Variants in DNAH8 observed in about 807,000 individuals in gnomAD.
The protein encoded by DNAH8 is dynein axonemal heavy chain 8, also known as axonemal beta dynein heavy chain 8.
A neutral mutation model predicts 562.1 loss-of-function variants in DNAH8; 382 were observed. That is an observed-to-expected ratio of 0.68 (90% confidence interval 0.63 to 0.74). The LOEUF (loss-of-function observed/expected upper bound fraction) is 0.74, where lower values mean the gene tolerates loss of function less well. DNAH8 is among the 30% of genes least tolerant of loss of function. The pLI is 0.00. For missense variants in DNAH8, 5,203 were observed against 5,620.4 expected, an observed-to-expected ratio of 0.93 and a Z score of 2.37; for synonymous variants, 1,881 against 1,919.4, an observed-to-expected ratio of 0.98 and a Z score of 0.52.
chr6:38,761,562 C>T (rs1156541770), intron 10 of DNAH8, 140 bp from the exon 11 acceptor site: 3 of 412,008 alleles, frequency 7.3e-6, no homozygotes, highest in South Asian at 1.6e-4. Context: ...TCCCAAAGTA[C>T]TGGGATTACA....
chr6:38,883,564 G>A (rs1397906895), intron 55 of DNAH8, 108 bp downstream of exon 55: 2 of 1,236,598 alleles, frequency 1.6e-6, no homozygotes, highest in Non-Finnish European at 2.2e-6. Flanking sequence ...ATATTCAAAA[G>A]AAATCATGCT....
chr6:38,826,195 G>T lies in DNAH8; in HGVS notation c.3887G>T (p.Trp1296Leu). The change falls in exon 29 of 93, where the codon TGG becomes TTG. Residue 1296 changes from tryptophan to leucine, a missense_variant. Physicochemically the swap from Trp to Leu is moderately conservative, Grantham distance 61. This residue lies in a region of DNAH8 where 2,176 missense variants were observed against 2,365.1 expected (regional missense o/e 0.92). Coordinates refer to ENST00000327475, the MANE Select transcript of DNAH8 (RefSeq NM_001206927.2). ...GCCTTATCCATCGAGGCCAAGGCAT[G>T]GAAGATGTTACTCTGTCGATATCTG... ...KLALSIEAKA[W>L]KMLLCRYLNE... 1 of 1,612,448 alleles carries T rather than the reference G, an allele frequency of 6.2e-7. No individual in the cohort carries two copies. Among genetic ancestry groups the T allele is most frequent in the Non-Finnish European group, 8.5e-7 (1 of 1,179,362 alleles).
intron 26 of DNAH8, among the ~76,000 whole-genome samples, chr6:38,816,062 GTTTTATTTTATTTTA>G (rs10585359): frequency 4.7e-5 from 7 of 149,720 alleles, no homozygotes; most frequent in Non-Finnish European, 8.9e-5. Context: ...ATTTTATTTT[GTTTTATTTTATTTTA>G]TTTTATTTTA....
intron 83 of DNAH8, 72 bp downstream of exon 83, chr6:38,971,737 T>C: frequency 8.3e-7 from 1 of 1,199,732 alleles, no homozygotes; most frequent in African/African-American, 1.5e-5. Flanking sequence ...GTTACCACAT[T>C]CTTCTCGTGA....
At chr6:38,995,073 C>G (rs201127119) in intron 88 of DNAH8, among the ~76,000 whole-genome samples, 1 of 74,540 alleles carries the variant, frequency 1.3e-5, no homozygotes, top group Non-Finnish European at 3.0e-5. Flanking sequence ...TTTTTTTTTT[C>G]TGAGCTTGTC....
chr6:38,949,026 G>A (rs1009458268), intron 80 of DNAH8, among the ~76,000 whole-genome samples: 2 of 152,128 alleles, frequency 1.3e-5, no homozygotes, highest in Non-Finnish European at 2.9e-5. Flanking sequence ...GCTGTGTCTG[G>A]AGACATTTTT....
At chr6:38,766,036 C>T (rs1766950062) in intron 11 of DNAH8, among the ~76,000 whole-genome samples, 1 of 152,044 alleles carries the variant, frequency 6.6e-6, no homozygotes, top group South Asian at 2.1e-4. Flanking sequence ...CAACATTATT[C>T]ACAATAGCCA....
chr6:38,778,345 C>T (rs754937406), intron 13 of DNAH8, 43 bp from the exon 14 acceptor site: 4 of 1,139,314 alleles, frequency 3.5e-6, no homozygotes, highest in Non-Finnish European at 3.9e-6. Context: ...AAACCAATCT[C>T]TTTAACACCA....
intron 82 of DNAH8, among the ~76,000 whole-genome samples, chr6:38,958,020 T>A (rs190322456): frequency 2.6e-5 from 4 of 152,144 alleles, no homozygotes; most frequent in Admixed American, 1.3e-4. Context: ...GTTTTGTTTT[T>A]TTTTATGAAG....
At chr6:38,857,911 C>T (rs1391435765) in intron 42 of DNAH8, among the ~76,000 whole-genome samples, 169 bp downstream of exon 42, 2 of 152,090 alleles carry the variant, frequency 1.3e-5, no homozygotes, top group Non-Finnish European at 2.9e-5. Flanking sequence ...GCTTAAACAA[C>T]CATATTATAT....
At chr6:38,787,461 C>T (rs960310247) in intron 18 of DNAH8, among the ~76,000 whole-genome samples, 1 of 152,052 alleles carries the variant, frequency 6.6e-6, no homozygotes, top group African/African-American at 2.4e-5. Flanking sequence ...TGCAGTGGCT[C>T]ATGCCTGTAA....
At chr6:38,996,891 T>C (rs1240657542) in intron 88 of DNAH8, among the ~76,000 whole-genome samples, 1 of 152,042 alleles carries the variant, frequency 6.6e-6, no homozygotes, top group African/African-American at 2.4e-5. Flanking sequence ...GTAAGCGAGC[T>C]TCTCCCAAAA....
intron 82 of DNAH8, among the ~76,000 whole-genome samples, chr6:38,959,450 G>C (rs1251062958): frequency 6.6e-6 from 1 of 152,032 alleles, no homozygotes; most frequent in Non-Finnish European, 1.5e-5. Flanking sequence ...CAATCTACAC[G>C]AATTAGGGTT....
chr6:38,734,010 A>G (rs1384303053), intron 4 of DNAH8, among the ~76,000 whole-genome samples: 1 of 151,378 alleles, frequency 6.6e-6, no homozygotes, highest in Non-Finnish European at 1.5e-5. Context: ...TTGGCCAGGC[A>G]TGGTGGCTCA....
chr6:38,990,316 C>T (rs1764695003), intron 88 of DNAH8, 144 bp downstream of exon 88: 4 of 631,782 alleles, frequency 6.3e-6, no homozygotes. Flanking sequence ...TCCTGTCTCC[C>T]AATTACAACT....
rs1782809766 is a variant in DNAH8 at position 38,934,630 on chromosome 6, G to C, written c.11458-962G>C. 5.3e-5 allele frequency among the ~76,000 whole-genome samples: 8 copies of C among 152,266 alleles called. No homozygotes were observed. In the South Asian group the frequency reaches 1.7e-3, roughly 32 times the overall value. ...GAAAAATGTTGTAAGGAATATTATT[G>C]AGATTATTGAGATTTCAATGTAGAC... On this transcript the variant is annotated intron_variant, in intron 76 of 92. Coordinates refer to ENST00000327475, the MANE Select transcript of DNAH8 (RefSeq NM_001206927.2).
At chr6:38,730,921 C>T (rs897857438) in intron 4 of DNAH8, among the ~76,000 whole-genome samples, 2 of 152,186 alleles carry the variant, frequency 1.3e-5, no homozygotes, top group Non-Finnish European at 2.9e-5. Flanking sequence ...CTACCCGGCT[C>T]CTTCAGAACA....
At chr6:38,851,867 A>G (rs1387637548) in intron 39 of DNAH8, among the ~76,000 whole-genome samples, 193 bp downstream of exon 39, 2 of 152,186 alleles carry the variant, frequency 1.3e-5, no homozygotes, top group Non-Finnish European at 2.9e-5. Context: ...TTAAGTGACT[A>G]TGCACTGACT....
chr6:38,973,240 T>C (rs899731789), intron 83 of DNAH8, among the ~76,000 whole-genome samples: 1 of 152,230 alleles, frequency 6.6e-6, no homozygotes, highest in Non-Finnish European at 1.5e-5. Flanking sequence ...CATGAGATCA[T>C]GTGTATCTTT....
Sources: gnomAD v4.1 joint callset for allele counts (sites outside exome capture counted in the v4.1 genomes callset) on GRCh38, gnomAD v4.1.1 for gene constraint, gnomAD v4.1.1 regional missense constraint, MANE v1.5 for transcripts, NCBI Gene and HGNC (gene_info 2026-07-23, HGNC 2026-07-21) for gene names.